Variants in PRAC2 observed in about 807,000 individuals in gnomAD.
The protein encoded by PRAC2 is PRAC2 small nuclear protein.
For missense variants in PRAC2, 92 were observed against 114.5 expected (o/e 0.80, Z 0.90); for synonymous variants, 43 against 49.5 (o/e 0.87, Z 0.55).
upstream of PRAC2, chr17:48,722,427 C>T (rs760966201): frequency 1.2e-5 from 19 of 1,597,662 alleles, no homozygotes; most frequent in African/African-American, 1.7e-4. Context: ...GACCAGAATC[C>T]AGCTTGCCTG....
upstream of PRAC2, among the ~76,000 whole-genome samples, chr17:48,719,970 T>C (rs1040943591): frequency 6.6e-6 from 1 of 152,050 alleles, no homozygotes; most frequent in African/African-American, 2.4e-5. Context: ...TCAAGTTCAA[T>C]GACAAAAACC....
At chr17:48,719,526 G>T (rs1173155669), upstream of PRAC2, among the ~76,000 whole-genome samples, 3 of 152,234 alleles carry the variant, frequency 2.0e-5, no homozygotes, top group African/African-American at 7.2e-5. Context: ...CGAGGGAGGG[G>T]CGCTTGTAAA....
At chr17:48,721,986 GGA>G (rs1180569845), upstream of PRAC2, 31 of 1,342,970 alleles carry the variant, frequency 2.3e-5, no homozygotes, top group Non-Finnish European at 2.3e-5. Flanking sequence ...CCATCCCATT[GGA>G]GACAAACATT....
chr17:48,724,442 G>T lies in PRAC2; in HGVS notation c.32G>T (p.Gly11Val). The T allele has an allele frequency of 8.1e-7, 1 of 1,234,290 alleles. No homozygotes were observed. Among genetic ancestry groups the T allele is most frequent in the South Asian group, 4.1e-5 (1 of 24,410 alleles). The allele number at this position is 1,234,290 out of a possible 1,614,324, so 76.5% of individuals were successfully genotyped here. MDRRRMALRP[G>V]SRRPTAFFFH... Reference sequence around the variant, plus strand: ...AGAAGGCGGATGGCTCTGCGGCCTGGCTCCCGCAGACCGACCGCCTTCTTC... The same window carrying T: ...AGAAGGCGGATGGCTCTGCGGCCTGTCTCCCGCAGACCGACCGCCTTCTTC... Residue 11 changes from glycine (G) to valine (V), a missense_variant, in exon 2 of 2, where the codon GGC (glycine) becomes GTC (valine). Physicochemically the swap from Gly to Val is moderately radical, Grantham distance 109. Coordinates refer to ENST00000422730, the MANE Select transcript of PRAC2 (RefSeq NM_001282275.2).
upstream of PRAC2, among the ~76,000 whole-genome samples, chr17:48,720,004 A>G (rs1373565721): frequency 6.6e-6 from 1 of 152,022 alleles, no homozygotes; most frequent in East Asian, 1.9e-4. Flanking sequence ...AGGTGCGGCG[A>G]GCTTCAGCCA....
intron 1 of PRAC2, 83 bp downstream of exon 1, chr17:48,723,396 G>GT (rs754361732): frequency 3.4e-6 from 1 of 297,352 alleles, no homozygotes; most frequent in Non-Finnish European, 6.1e-6. Context: ...GGGGCACAGG[G>GT]TCTCCCCTGA....
chr17:48,722,023 G>A (rs2143041884), upstream of PRAC2: 1 of 1,125,634 alleles, frequency 8.9e-7, no homozygotes, highest in Non-Finnish European at 1.2e-6. Context: ...ACCTTACAGC[G>A]GGTGCTAGTT....
At chr17:48,721,166 G>A (rs183812402), upstream of PRAC2, among the ~76,000 whole-genome samples, 1 of 152,218 alleles carries the variant, frequency 6.6e-6, no homozygotes, top group Admixed American at 6.5e-5. Flanking sequence ...CTGAAGATGT[G>A]AGCATGTGGT....
upstream of PRAC2, among the ~76,000 whole-genome samples, chr17:48,720,769 G>GA (rs879281488): frequency 6.6e-6 from 1 of 152,194 alleles, no homozygotes; most frequent in Non-Finnish European, 1.5e-5. Context: ...AGTGCCTGAG[G>GA]AGGGGCTGGG....
At chr17:48,718,736 G>C (rs530707481), upstream of PRAC2, among the ~76,000 whole-genome samples, 4 of 152,146 alleles carry the variant, frequency 2.6e-5, no homozygotes, top group East Asian at 1.9e-4. Context: ...ATTCTTTCCC[G>C]GGCCGCGAAG....
intron 1 of PRAC2, 100 bp from the exon 2 acceptor site, chr17:48,724,228 T>A: frequency 1.9e-6 from 1 of 523,508 alleles, no homozygotes; most frequent in East Asian, 3.5e-5. Flanking sequence ...AGTGAGAGAT[T>A]TCAATGTGGT....
Position 48,724,638 on chromosome 17 carries a change from T to C in PRAC2, c.228T>C (p.Ala76=). 8.1e-7 allele frequency: 1 copy of C among 1,232,100 alleles called. No homozygotes were observed. The highest frequency in any genetic ancestry group is 3.2e-5 in the East Asian group (1 of 31,680). 76.3% of individuals were successfully genotyped at this position (1,232,100 alleles called of 1,614,324 possible). Reference sequence around the variant, plus strand: ...CCCCAGGCCGCTGGAAGCCTGTAGCTCCGCGGACGATGAAAGCCTGCCCGC... The same window carrying C: ...CCCCAGGCCGCTGGAAGCCTGTAGCCCCGCGGACGATGAAAGCCTGCCCGC... ...HEAPGRWKPV[A]PRTMKACPQV... is the part of the protein sequence containing the mutation. The change falls in exon 2 of 2, where the codon GCT becomes GCC. Residue 76 remains alanine (A), a synonymous_variant. Transcript: ENST00000422730.
Position 48,724,744 on chromosome 17 carries a change from ATC to A in PRAC2, c.*65_*66del. 1 of 876,360 alleles carries A rather than the reference ATC, an allele frequency of 1.1e-6. No homozygotes were observed. Among genetic ancestry groups the A allele is most frequent in the Non-Finnish European group, 1.5e-6 (1 of 663,782 alleles). 54.3% of individuals were successfully genotyped at this position (876,360 alleles called of 1,614,324 possible). On this transcript the variant is annotated 3_prime_UTR_variant, in exon 2 of 2. Coordinates refer to ENST00000422730, the MANE Select transcript of PRAC2 (RefSeq NM_001282275.2). ...TGGTCCTAACACACCAGTGGAATAA[ATC>A]TCTAAGATTCCACATCTTTTGTTTG...
At chr17:48,722,096 T>C (rs2038151001), upstream of PRAC2, among the ~76,000 whole-genome samples, 3 of 152,248 alleles carry the variant, frequency 2.0e-5, no homozygotes, top group South Asian at 6.2e-4. Flanking sequence ...AAACATTTTC[T>C]TTGTCCCTTT....
upstream of PRAC2, among the ~76,000 whole-genome samples, chr17:48,720,369 G>T (rs555714907): frequency 6.6e-6 from 1 of 152,060 alleles, no homozygotes; most frequent in Non-Finnish European, 1.5e-5. Flanking sequence ...GCATTTTCTG[G>T]CCTCCTCCGA....
upstream of PRAC2, chr17:48,722,367 TGATCTGA>T (rs756091486): frequency 1.2e-6 from 2 of 1,614,162 alleles, no homozygotes; most frequent in Admixed American, 3.3e-5. Flanking sequence ...GGCCGGTCCT[TGATCTGA>T]GAAATGGGCG....
chr17:48,720,930 G>A (rs1434632678), upstream of PRAC2, among the ~76,000 whole-genome samples: 1 of 152,124 alleles, frequency 6.6e-6, no homozygotes, highest in Non-Finnish European at 1.5e-5. Context: ...GGTGGTAGAG[G>A]TTAAGCGCTC....
chr17:48,724,056 A>G (rs1216339255), intron 1 of PRAC2, among the ~76,000 whole-genome samples: 1 of 152,170 alleles, frequency 6.6e-6, no homozygotes, highest in East Asian at 1.9e-4. Context: ...TTCGTCTGTG[A>G]GCTCATTGTC....
chr17:48,722,155 C>T (rs917287933), upstream of PRAC2, among the ~76,000 whole-genome samples: 3 of 152,102 alleles, frequency 2.0e-5, no homozygotes, highest in African/African-American at 7.2e-5. Context: ...GTAGGTGCTC[C>T]CGCCAGGTGG....
Sources: gnomAD v4.1 joint callset for allele counts (sites outside exome capture counted in the v4.1 genomes callset) on GRCh38, gnomAD v4.1.1 for gene constraint, MANE v1.5 for transcripts, NCBI Gene and HGNC (gene_info 2026-07-23, HGNC 2026-07-21) for gene names.